Variants in SCARB2 observed in about 807,000 individuals in gnomAD.
SCARB2 encodes the protein lysosome membrane protein 2.
A neutral mutation model predicts 58.6 loss-of-function variants in SCARB2; 29 were observed. The observed-to-expected ratio is 0.49, with a 90% confidence interval of 0.37 to 0.67. The LOEUF (loss-of-function observed/expected upper bound fraction) is 0.67. Among genes scored for constraint, SCARB2 ranks in the 30% least tolerant of loss-of-function variants. The pLI is 0.00. For synonymous variants in SCARB2, 195 were observed against 210.1 expected (o/e 0.93, Z 0.62); for missense variants, 488 against 578.5 (o/e 0.84, Z 1.60).
intron 1 of SCARB2, among the ~76,000 whole-genome samples, chr4:76,199,042 C>G (rs1732776593): frequency 6.6e-6 from 1 of 152,224 alleles, no homozygotes; most frequent in South Asian, 2.1e-4. Context: ...GCCACGCCAG[C>G]TGCAATCTAC....
rs202055735 is a variant in SCARB2 at position 76,200,819 on chromosome 4, ACCT to A, written c.118-4958_118-4956del. Reference sequence around the variant, plus strand: ...TTGATCACTAAGTCCTGCTGATTTCACCTCCTCCTCTTCCCCATTTCTACCCCA... The same window carrying A: ...TTGATCACTAAGTCCTGCTGATTTCACCTCCTCTTCCCCATTTCTACCCCA... On this transcript the variant is annotated intron_variant, in intron 1 of 11. Coordinates refer to ENST00000264896, the MANE Select transcript of SCARB2 (RefSeq NM_005506.4). Among the ~76,000 whole-genome samples the A allele has an allele frequency of 1.5e-4, 23 of 152,020 alleles. No homozygotes were observed. In the East Asian group the frequency reaches 4.3e-3, roughly 28 times the overall value.
chr4:76,172,749 A>T (rs1370849063), intron 7 of SCARB2: 1 of 151,992 alleles, frequency 6.6e-6, no homozygotes, highest in Non-Finnish European at 1.5e-5. Flanking sequence ...AACTGGGCTC[A>T]AACGACCCTT....
In SCARB2 at chr4:76,213,749, A is replaced by G. The variant is rs1205328863; in HGVS notation, c.-206T>C. On this transcript the variant is annotated 5_prime_UTR_variant, in exon 1 of 12. Coordinates refer to ENST00000264896, the MANE Select transcript of SCARB2 (RefSeq NM_005506.4). ...GTGCACCGGGCGGATGGGGCCGCGG[A>G]GGGACGGGCCCGGACTCGGTTTCGG... 8.5e-6 allele frequency: 4 copies of G among 469,662 alleles called. No homozygotes were observed. The highest frequency in any genetic ancestry group is 1.5e-5 in the Non-Finnish European group (4 of 268,366). 29.1% of individuals were successfully genotyped at this position (469,662 alleles called of 1,614,324 possible). A position where few individuals can be genotyped will look rare whatever the true frequency, so the allele number is the denominator to read the frequency against.
At chr4:76,215,991 T>G (rs1484127698), upstream of SCARB2, among the ~76,000 whole-genome samples, 3 of 152,184 alleles carry the variant, frequency 2.0e-5, no homozygotes, top group Non-Finnish European at 2.9e-5. Flanking sequence ...CTGGGACATT[T>G]TGTAGCTACC....
At chr4:76,217,896 C>A (rs1357190347), upstream of SCARB2, among the ~76,000 whole-genome samples, 10 of 152,160 alleles carry the variant, frequency 6.6e-5, no homozygotes, top group African/African-American at 2.4e-4. Flanking sequence ...ACTCTAAGGG[C>A]TATCGAGGGG....
At chr4:76,165,763 GT>G (rs527250364) in intron 10 of SCARB2, 64 of 144,218 alleles carry the variant, frequency 4.4e-4, no homozygotes, top group African/African-American at 5.6e-4. Context: ...AAAAACCTGC[GT>G]TTTTTTTTTT....
chr4:76,218,190 G>A (rs1733247506), upstream of SCARB2, among the ~76,000 whole-genome samples: 1 of 152,186 alleles, frequency 6.6e-6, no homozygotes, highest in Admixed American at 6.5e-5. Context: ...ACTTCTAAAA[G>A]TCTTGGCTTT....
At chr4:76,166,622 C>G (rs969813701) in intron 9 of SCARB2, 1 of 438,182 alleles carries the variant, frequency 2.3e-6, no homozygotes, top group Non-Finnish European at 4.2e-6. Context: ...TGTTTTGTAA[C>G]TAGGCCACTG....
chr4:76,194,775 T>C (rs970683512), intron 2 of SCARB2: 1 of 152,092 alleles, frequency 6.6e-6, no homozygotes, highest in Admixed American at 6.5e-5. Flanking sequence ...GGAGGTATTG[T>C]AATAGGGAAA....
At position 76,174,234 on chromosome 4, in the gene SCARB2, A is replaced by G. The variant is rs377511764; in HGVS notation, c.904T>C (p.Leu302=). The G allele has an allele frequency of 7.4e-6, 12 of 1,614,088 alleles. No individual in the cohort carries two copies. Among genetic ancestry groups the G allele is most frequent in the Non-Finnish European group, 1.0e-5 (12 of 1,180,050 alleles). The change falls in exon 7 of 12, where the codon TTA becomes CTA. Residue 302 remains leucine (L), a synonymous_variant. Coordinates refer to ENST00000264896, the MANE Select transcript of SCARB2 (RefSeq NM_005506.4). ...AFRYKVPAEI[L]ANTSDNAGFC... ...CCGGCATTGTCTGACGTATTGGCTA[A>G]TATTTCTGCAGGAACTTTATACCGA...
At chr4:76,176,097 C>A (rs1732246446) in intron 5 of SCARB2, 187 bp from the exon 6 acceptor site, 6 of 723,862 alleles carry the variant, frequency 8.3e-6, no homozygotes, top group Non-Finnish European at 8.9e-6. Context: ...AATCAGCTTT[C>A]ATAGAGGCAA....
At chr4:76,174,945 T>C (rs1732217183) in intron 6 of SCARB2, 1 of 154,960 alleles carries the variant, frequency 6.5e-6, no homozygotes, top group South Asian at 2.0e-4. Flanking sequence ...GCATAGTGCC[T>C]AACCACTTTG....
At chr4:76,178,884 C>T (rs1241221626) in intron 4 of SCARB2, among the ~76,000 whole-genome samples, 1 of 152,152 alleles carries the variant, frequency 6.6e-6, no homozygotes, top group Admixed American at 6.5e-5. Flanking sequence ...GAGGGTAAGA[C>T]TCTTGAACAG....
chr4:76,196,343 ACT>A (rs1732712364), intron 1 of SCARB2, among the ~76,000 whole-genome samples: 1 of 152,140 alleles, frequency 6.6e-6, no homozygotes, highest in Non-Finnish European at 1.5e-5. Flanking sequence ...ACAGAGCAAG[ACT>A]CTGTCTCAAA....
At chr4:76,214,101 C>T, upstream of SCARB2, 2 of 392,688 alleles carry the variant, frequency 5.1e-6, no homozygotes, top group Non-Finnish European at 5.1e-6. Context: ...GGTTCACACA[C>T]TCATTTACTC....
At chr4:76,169,066 A>T (rs138187438) in intron 8 of SCARB2, among the ~76,000 whole-genome samples, 5 of 152,370 alleles carry the variant, frequency 3.3e-5, no homozygotes, top group African/African-American at 1.2e-4. Flanking sequence ...GGAACTGATC[A>T]GCTGATGGCT....
chr4:76,190,387 CTAAG>C lies in SCARB2; in HGVS notation c.275+5316_275+5319del, dbSNP rs555229062. On this transcript the variant is annotated intron_variant, in intron 2 of 11. Transcript: ENST00000264896. ...GTCTCAGGAGGAGACAGCATTTGCA[CTAAG>C]TAAGATGTGAAGGTCAAGAGAGGTA... 5.6e-4 allele frequency among the ~76,000 whole-genome samples: 86 copies of C among 152,252 alleles called. No homozygotes were observed. The Middle Eastern group carries it at 0.01, about 18-fold the overall frequency.
At chr4:76,165,687 A>G (rs1056928545) in intron 10 of SCARB2, 2 of 152,928 alleles carry the variant, frequency 1.3e-5, no homozygotes, top group Non-Finnish European at 2.9e-5. Flanking sequence ...ACAAACAGCA[A>G]GTATTTTTAG....
chr4:76,164,081 G>A (rs1731951966), intron 10 of SCARB2: 1 of 153,918 alleles, frequency 6.5e-6, no homozygotes, highest in Non-Finnish European at 1.4e-5. Flanking sequence ...ACTGCTGATA[G>A]AAGGAAATGT....
Sources: allele counts gnomAD v4.1 joint callset (sites outside exome capture counted in the v4.1 genomes callset), GRCh38; gene constraint gnomAD v4.1.1; transcripts MANE v1.5; gene names NCBI Gene and HGNC (gene_info 2026-07-23, HGNC 2026-07-21).